Variants in ZDHHC15 observed in about 807,000 individuals in gnomAD.
ZDHHC15 encodes the protein palmitoyltransferase ZDHHC15.
ZDHHC15 carries 19 observed loss-of-function variants against 31.7 expected under a neutral mutation model. That is an observed-to-expected ratio of 0.60 (90% confidence interval 0.42 to 0.88). The LOEUF is 0.88. ZDHHC15 is among the 40% of genes least tolerant of loss of function. The pLI, the probability that ZDHHC15 is intolerant of heterozygous loss-of-function variation, is 0.00. For missense variants in ZDHHC15, 209 were observed against 251.2 expected, an observed-to-expected ratio of 0.83 and a Z score of 1.14; for synonymous variants, 103 against 90.0, an observed-to-expected ratio of 1.14 and a Z score of -0.82.
At chrX:75,497,653 G>A (rs898400240) in intron 2 of ZDHHC15, among the ~76,000 whole-genome samples, 2 of 111,729 alleles carry the variant, frequency 1.8e-5, no homozygotes, top group African/African-American at 6.5e-5. Flanking sequence ...TTCCTACCAA[G>A]GATGCAGGGC....
chrX:75,517,998 A>C (rs891440070), intron 1 of ZDHHC15, among the ~76,000 whole-genome samples: 2 of 110,498 alleles, frequency 1.8e-5, no homozygotes, highest in Non-Finnish European at 3.8e-5. Flanking sequence ...AAAAACAAAC[A>C]AACAAACAAA....
intron 2 of ZDHHC15, among the ~76,000 whole-genome samples, chrX:75,483,661 C>A (rs767879616): frequency 1.8e-5 from 2 of 112,130 alleles, no homozygotes; most frequent in East Asian, 5.6e-4. Flanking sequence ...ATTCATTGAT[C>A]TTGGGGATAA....
At chrX:75,422,128 C>T in intron 8 of ZDHHC15, 138 bp from the exon 9 acceptor site, 1 of 778,366 alleles carries the variant, frequency 1.3e-6, no homozygotes, top group Non-Finnish European at 1.7e-6. Flanking sequence ...GCACAGACCT[C>T]TCATTTTTAG....
At chrX:75,414,209 C>T (rs184570192) in intron 10 of ZDHHC15, among the ~76,000 whole-genome samples, 50 of 110,755 alleles carry the variant, frequency 4.5e-4, no homozygotes, top group East Asian at 3.7e-3. Context: ...TGTATTTATG[C>T]GTTTTCTATA....
At chrX:75,449,821 C>A (rs1441237977) in intron 4 of ZDHHC15, among the ~76,000 whole-genome samples, 1 of 111,967 alleles carries the variant, frequency 8.9e-6, no homozygotes, top group African/African-American at 3.2e-5. Flanking sequence ...CCATGGTTTT[C>A]AAACTTTTTA....
intron 10 of ZDHHC15, among the ~76,000 whole-genome samples, chrX:75,412,534 C>T (rs910879413): frequency 9.0e-6 from 1 of 110,588 alleles, no homozygotes; most frequent in Admixed American, 9.6e-5. Context: ...CGGGTTCAAG[C>T]GATTCTCCTG....
chrX:75,511,727 A>C (rs2085277736), intron 1 of ZDHHC15, among the ~76,000 whole-genome samples: 1 of 98,412 alleles, frequency 1.0e-5, no homozygotes, highest in Admixed American at 1.2e-4. Context: ...AACTGGTACC[A>C]TTCCTTCTGA....
chrX:75,498,196 G>C (rs908442512), intron 2 of ZDHHC15, among the ~76,000 whole-genome samples: 4 of 110,693 alleles, frequency 3.6e-5, no homozygotes, highest in African/African-American at 1.3e-4. Flanking sequence ...GCCTCCCAAA[G>C]TGCTGGGATT....
chrX:75,430,036 T>C, intron 5 of ZDHHC15, 56 bp from the exon 6 acceptor site: 1 of 1,135,170 alleles, frequency 8.8e-7, no homozygotes, highest in South Asian at 1.9e-5. Flanking sequence ...TGAAGCAACA[T>C]CTCATAATTA....
chrX:75,396,973 A>G lies in ZDHHC15; in HGVS notation c.968-17775T>C, dbSNP rs1015029214. 1.5e-4 allele frequency among the ~76,000 whole-genome samples: 17 copies of G among 111,144 alleles called. No homozygotes were observed. The East Asian group carries it at 2.8e-3, about 19-fold the overall frequency. On this transcript the variant is annotated intron_variant, in intron 10 of 11. Coordinates refer to ENST00000373367, the MANE Select transcript of ZDHHC15 (RefSeq NM_144969.3). ...ATTGATGGAGATAGAGGGTATAATG[A>G]TGGTAACCAGAGGCTGGGAATGGTG...
At chrX:75,491,750 T>C (rs1380432339) in intron 2 of ZDHHC15, among the ~76,000 whole-genome samples, 4 of 111,132 alleles carry the variant, frequency 3.6e-5, no homozygotes, top group South Asian at 3.8e-4. Context: ...CTGAGAGATT[T>C]TGTCACCACC....
At chrX:75,384,829 T>C in intron 10 of ZDHHC15, 1 of 642,668 alleles carries the variant, frequency 1.6e-6, no homozygotes, top group Non-Finnish European at 2.6e-6. Flanking sequence ...TATGGCATAA[T>C]AGGTGTTAAA....
At chrX:75,435,774 T>C (rs2083843267) in intron 4 of ZDHHC15, among the ~76,000 whole-genome samples, 1 of 112,162 alleles carries the variant, frequency 8.9e-6, no homozygotes, top group Non-Finnish European at 1.9e-5. Flanking sequence ...TGCATCTATA[T>C]TCATTAGGAA....
At chrX:75,490,398 G>A (rs768677954) in intron 2 of ZDHHC15, among the ~76,000 whole-genome samples, 1 of 111,965 alleles carries the variant, frequency 8.9e-6, no homozygotes. Context: ...TCTCTCAGCA[G>A]AAATTCTACA....
intron 10 of ZDHHC15, among the ~76,000 whole-genome samples, chrX:75,386,859 C>T (rs1444506349): frequency 8.9e-6 from 1 of 111,752 alleles, no homozygotes; most frequent in East Asian, 2.8e-4. Flanking sequence ...GCATAATTAT[C>T]ATGTACCCCG....
At chrX:75,479,133 A>C (rs1360054332) in intron 2 of ZDHHC15, 148 bp from the exon 3 acceptor site, 2 of 385,982 alleles carry the variant, frequency 5.2e-6, no homozygotes, top group African/African-American at 2.6e-5. Context: ...TTATTTTCCC[A>C]TACAGTGACA....
intron 10 of ZDHHC15, among the ~76,000 whole-genome samples, chrX:75,396,246 T>C (rs758468614): frequency 1.8e-5 from 2 of 111,555 alleles, no homozygotes; most frequent in South Asian, 3.7e-4. Flanking sequence ...CAAATACCCA[T>C]CTGAGAAGGG....
At position 75,388,570 on chromosome X, in the gene ZDHHC15, T is replaced by A. The variant is rs546269687; in HGVS notation, c.968-9372A>T. On this transcript the variant is annotated intron_variant, in intron 10 of 11. Coordinates refer to ENST00000373367, the MANE Select transcript of ZDHHC15 (RefSeq NM_144969.3). ...TTGGTAAGCCTCATGATAGCCAGAA[T>A]GCAAAAACCTGTAATAGATTCACTA... 2.9e-4 allele frequency among the ~76,000 whole-genome samples: 32 copies of A among 111,426 alleles called. No individual in the cohort carries two copies. In the South Asian group the frequency reaches 0.011, roughly 40 times the overall value.
At chrX:75,422,106 T>C in intron 8 of ZDHHC15, 116 bp from the exon 9 acceptor site, 1 of 934,387 alleles carries the variant, frequency 1.1e-6, no homozygotes, top group Non-Finnish European at 1.4e-6. Context: ...ATTATATCTT[T>C]TTGCTGTGGT....
Sources: gnomAD v4.1 joint callset for allele counts (sites outside exome capture counted in the v4.1 genomes callset) on GRCh38, gnomAD v4.1.1 for gene constraint, MANE v1.5 for transcripts, NCBI Gene and HGNC (gene_info 2026-07-23, HGNC 2026-07-21) for gene names.